The following KLHDC1 variants were observed in gnomAD, a reference collection of about 807,000 sequenced individuals.
The protein encoded by KLHDC1 is kelch domain containing 1.
In KLHDC1, 53 loss-of-function variants were observed where a neutral mutation model predicts 68.3. The observed-to-expected ratio is 0.78, with a 90% CI of 0.62 to 0.98. The LOEUF (loss-of-function observed/expected upper bound fraction) is 0.98. KLHDC1 is among the 50% of genes least tolerant of loss of function. The pLI is 0.00. For synonymous variants in KLHDC1, 148 were observed against 159.0 expected (o/e 0.93, Z 0.52); for missense variants, 470 against 492.3 (o/e 0.95, Z 0.43).
intron 1 of KLHDC1, among the ~76,000 whole-genome samples, chr14:49,704,711 T>C (rs972445679): frequency 3.3e-5 from 5 of 152,114 alleles, no homozygotes; most frequent in African/African-American, 1.2e-4. Context: ...AAACATATTC[T>C]AACCATTCCT....
intron 1 of KLHDC1, among the ~76,000 whole-genome samples, chr14:49,702,693 T>C (rs1345536898): frequency 1.3e-5 from 2 of 152,196 alleles, no homozygotes; most frequent in East Asian, 3.8e-4. Context: ...TTACAGCTCA[T>C]AGTAGGTGCC....
At chr14:49,721,602 C>T (rs1888527085) in intron 4 of KLHDC1, among the ~76,000 whole-genome samples, 1 of 152,122 alleles carries the variant, frequency 6.6e-6, no homozygotes, top group Non-Finnish European at 1.5e-5. Flanking sequence ...TGTATTTGGG[C>T]TTTGTTGTAG....
At chr14:49,707,066 T>C (rs1322858721) in intron 1 of KLHDC1, among the ~76,000 whole-genome samples, 1 of 152,208 alleles carries the variant, frequency 6.6e-6, no homozygotes, top group Non-Finnish European at 1.5e-5. Flanking sequence ...CCCAGACCAA[T>C]GTCCTGGTGA....
At position 49,734,678 on chromosome 14, in the gene KLHDC1, A is replaced by G. The variant is rs771690571; in HGVS notation, c.896+17A>G. ...AAGACCTAGGTAAGTCAAGAAATTGACAAATAGTAAAATAGTTAAGAATTT... is the reference window on the plus strand; with the variant it reads ...AAGACCTAGGTAAGTCAAGAAATTGGCAAATAGTAAAATAGTTAAGAATTT... On this transcript the variant is annotated intron_variant, in intron 10 of 12. Transcript: ENST00000359332. The G allele has an allele frequency of 7.1e-7, 1 of 1,412,750 alleles. No individual in the cohort carries two copies. The highest frequency in any genetic ancestry group is 9.9e-7 in the Non-Finnish European group (1 of 1,009,690). 87.5% of individuals were successfully genotyped at this position (1,412,750 alleles called of 1,614,324 possible). A position where few individuals can be genotyped will look rare whatever the true frequency, so the allele number is the denominator to read the frequency against.
chr14:49,735,379 GATTA>G (rs1888907044), intron 10 of KLHDC1, among the ~76,000 whole-genome samples: 1 of 151,802 alleles, frequency 6.6e-6, no homozygotes, highest in African/African-American at 2.4e-5. Flanking sequence ...TAAAAATACA[GATTA>G]TTTATGCTAG....
At chr14:49,731,914 T>G (rs891828529) in intron 8 of KLHDC1, among the ~76,000 whole-genome samples, 1 of 152,156 alleles carries the variant, frequency 6.6e-6, no homozygotes, top group Non-Finnish European at 1.5e-5. Flanking sequence ...CTTTCATGCT[T>G]TTATTTTGAA....
chr14:49,697,137 C>T (rs951408186), intron 1 of KLHDC1, among the ~76,000 whole-genome samples: 7 of 152,044 alleles, frequency 4.6e-5, no homozygotes, highest in African/African-American at 7.2e-5. Context: ...GGGGTTTCAC[C>T]GTGTTAGCCA....
chr14:49,706,078 ATTC>A (rs1236632830), intron 1 of KLHDC1, among the ~76,000 whole-genome samples: 57 of 152,240 alleles, frequency 3.7e-4, no homozygotes, highest in Non-Finnish European at 1.2e-4. Flanking sequence ...ACTAGGTCTT[ATTC>A]TTTCTAACTA....
At chr14:49,698,445 G>A (rs1015800337) in intron 1 of KLHDC1, among the ~76,000 whole-genome samples, 8 of 151,412 alleles carry the variant, frequency 5.3e-5, no homozygotes, top group South Asian at 2.1e-4. Flanking sequence ...CTCGTGATCC[G>A]CCCACCTCAG....
chr14:49,742,672 TAAAAA>T (rs373370360), intron 11 of KLHDC1, among the ~76,000 whole-genome samples: 2 of 72,040 alleles, frequency 2.8e-5, no homozygotes, highest in Non-Finnish European at 2.9e-5. Context: ...GACTCCGTCC[TAAAAA>T]AAAAAAAAAA....
chr14:49,698,936 G>A (rs906362435), intron 1 of KLHDC1, among the ~76,000 whole-genome samples: 7 of 151,618 alleles, frequency 4.6e-5, no homozygotes, highest in Non-Finnish European at 2.9e-5. Flanking sequence ...AGGCCGAGGC[G>A]GGTGGATCAC....
At chr14:49,747,420 A>T (rs758930222) in intron 12 of KLHDC1, among the ~76,000 whole-genome samples, 3 of 152,182 alleles carry the variant, frequency 2.0e-5, no homozygotes, top group African/African-American at 7.2e-5. Flanking sequence ...GGAGAAGCCA[A>T]TGGAGAGTAG....
intron 1 of KLHDC1, among the ~76,000 whole-genome samples, chr14:49,695,653 A>G (rs1594642561): frequency 6.6e-6 from 1 of 152,230 alleles, no homozygotes; most frequent in East Asian, 1.9e-4. Flanking sequence ...CAGCTACTAC[A>G]TTAGCCACTA....
intron 6 of KLHDC1, 74 bp from the exon 7 acceptor site, chr14:49,728,851 CA>C: frequency 1.9e-6 from 2 of 1,035,392 alleles, no homozygotes; most frequent in Non-Finnish European, 3.0e-6. Context: ...AAGACTTTCA[CA>C]TACTGAGCAT....
chr14:49,697,427 A>G (rs1426694605), intron 1 of KLHDC1, among the ~76,000 whole-genome samples: 1 of 152,236 alleles, frequency 6.6e-6, no homozygotes, highest in Non-Finnish European at 1.5e-5. Context: ...TTGATCACAG[A>G]TCACCATAAC....
At position 49,714,208 on chromosome 14, in the gene KLHDC1, T is replaced by C. The variant is rs192921131; in HGVS notation, c.404+3827T>C. 4.8e-3 allele frequency among the ~76,000 whole-genome samples: 722 copies of C among 151,488 alleles called. 4 individuals are homozygous for C. Among genetic ancestry groups the C allele is most frequent in the African/African-American group, 0.017 (692 of 41,332 alleles). ...TCTAGGCTGGGCTGGGCGTGGTGGC[T>C]CACACCTGTAATCCCAGCACTTTGG... On this transcript the variant is annotated intron_variant, in intron 4 of 12. Coordinates refer to ENST00000359332, the MANE Select transcript of KLHDC1 (RefSeq NM_172193.3).
rs1889346152 is a variant in KLHDC1 at position 49,752,820 on chromosome 14, A to C, written c.*1048A>C. On this transcript the variant is annotated 3_prime_UTR_variant, in exon 13 of 13. Transcript: ENST00000359332. ...TTATCACAATCATGCCCTTCCATTG[A>C]ATTATTAATTACAATTAATTACTAA... is the stretch of plus-strand genomic sequence containing the variant. 2 of 152,148 alleles carry C rather than the reference A, an allele frequency of 1.3e-5. No individual in the cohort carries two copies. Among genetic ancestry groups the C allele is most frequent in the Non-Finnish European group, 2.9e-5 (2 of 67,994 alleles). 9.4% of individuals were successfully genotyped at this position (152,148 alleles called of 1,614,324 possible).
chr14:49,701,769 C>T (rs983215610), intron 1 of KLHDC1, among the ~76,000 whole-genome samples: 3 of 152,178 alleles, frequency 2.0e-5, no homozygotes, highest in African/African-American at 4.8e-5. Flanking sequence ...TGTGGTGGCT[C>T]ATGCCTATAA....
chr14:49,733,088 C>T (rs1286173877), intron 9 of KLHDC1, among the ~76,000 whole-genome samples: 5 of 152,072 alleles, frequency 3.3e-5, no homozygotes, highest in South Asian at 2.1e-4. Context: ...ATTCTGTGTC[C>T]GCTGATTTTT....
Sources: gnomAD v4.1 joint callset for allele counts (sites outside exome capture counted in the v4.1 genomes callset) on GRCh38, gnomAD v4.1.1 for gene constraint, MANE v1.5 for transcripts, NCBI Gene and HGNC (gene_info 2026-07-23, HGNC 2026-07-21) for gene names.